Variants in ITFG1 observed in about 807,000 individuals in gnomAD.
ITFG1 encodes T-cell immunomodulatory protein.
ITFG1 carries 34 observed loss-of-function variants against 81.8 expected under a neutral mutation model. The ratio of observed to expected loss-of-function variants is 0.42; its 90% CI spans 0.32 to 0.55. The LOEUF (loss-of-function observed/expected upper bound fraction) is 0.55, where lower values mean the gene tolerates loss of function less well. Ranked by LOEUF, ITFG1 falls within the 20% of genes least tolerant of loss-of-function variation. The pLI, the probability that ITFG1 is intolerant of heterozygous loss-of-function variation, is 0.17. For synonymous variants in ITFG1, 285 were observed against 270.6 expected (o/e 1.05, Z -0.52); for missense variants, 672 against 755.4 (o/e 0.89, Z 1.29).
intron 14 of ITFG1, among the ~76,000 whole-genome samples, chr16:47,197,032 G>A (rs1215217119): frequency 2.6e-5 from 4 of 152,138 alleles, no homozygotes; most frequent in Non-Finnish European, 5.9e-5. Flanking sequence ...CCTGACTCTG[G>A]TATAGCATCA....
intron 14 of ITFG1, among the ~76,000 whole-genome samples, chr16:47,182,380 G>C (rs2151514174): frequency 6.9e-6 from 1 of 145,560 alleles, no homozygotes. Flanking sequence ...TTACTTAGGT[G>C]GCTCTCAAAA....
At chr16:47,334,358 G>A (rs1967675459) in intron 8 of ITFG1, among the ~76,000 whole-genome samples, 1 of 152,132 alleles carries the variant, frequency 6.6e-6, no homozygotes, top group Admixed American at 6.6e-5. Flanking sequence ...ACCTGGGGAG[G>A]TTGAGGCTGC....
At chr16:47,277,394 C>T (rs980790321) in intron 10 of ITFG1, among the ~76,000 whole-genome samples, 5 of 152,070 alleles carry the variant, frequency 3.3e-5, no homozygotes, top group Admixed American at 6.6e-5. Flanking sequence ...CTTTGGGGTC[C>T]GATGCCATAG....
At chr16:47,157,652 T>G (rs1200600562) in intron 17 of ITFG1, 1 of 152,180 alleles carries the variant, frequency 6.6e-6, no homozygotes, top group African/African-American at 2.4e-5. Flanking sequence ...AATCTTAAGG[T>G]TAATTGAATA....
intron 12 of ITFG1, among the ~76,000 whole-genome samples, chr16:47,252,622 C>T (rs576338648): frequency 1.4e-4 from 21 of 152,262 alleles, no homozygotes; most frequent in East Asian, 9.6e-4. Context: ...CGCAAGGTCC[C>T]CGTCTTCATG....
At chr16:47,348,758 T>C (rs1312485639) in intron 8 of ITFG1, among the ~76,000 whole-genome samples, 2 of 152,134 alleles carry the variant, frequency 1.3e-5, no homozygotes, top group African/African-American at 4.8e-5. Flanking sequence ...CACATAATTG[T>C]TAGATTCACC....
chr16:47,227,658 T>A (rs897240451), intron 13 of ITFG1, among the ~76,000 whole-genome samples: 2 of 152,170 alleles, frequency 1.3e-5, no homozygotes, highest in East Asian at 3.8e-4. Context: ...GTCAATTATT[T>A]GATTACCTAG....
intron 8 of ITFG1, among the ~76,000 whole-genome samples, chr16:47,347,815 T>G (rs1967881212): frequency 6.6e-6 from 1 of 152,164 alleles, no homozygotes; most frequent in Admixed American, 6.5e-5. Flanking sequence ...GACTGACACC[T>G]CACATGGCCG....
intron 14 of ITFG1, among the ~76,000 whole-genome samples, chr16:47,199,101 C>T (rs1388445455): frequency 2.6e-5 from 4 of 152,062 alleles, no homozygotes; most frequent in African/African-American, 7.2e-5. Context: ...TGGTGAAACC[C>T]TATCTCTATT....
intron 6 of ITFG1, among the ~76,000 whole-genome samples, chr16:47,392,887 A>G (rs1351728824): frequency 1.3e-5 from 2 of 152,202 alleles, no homozygotes; most frequent in African/African-American, 4.8e-5. Flanking sequence ...TAAGTAATAG[A>G]AAAATCACCC....
intron 13 of ITFG1, among the ~76,000 whole-genome samples, chr16:47,234,375 G>A (rs1484280826): frequency 6.6e-6 from 1 of 152,150 alleles, no homozygotes; most frequent in African/African-American, 2.4e-5. Context: ...GGACTCATTG[G>A]TAGATTGGAC....
At chr16:47,438,950 G>A (rs1039746196) in intron 5 of ITFG1, among the ~76,000 whole-genome samples, 8 of 152,102 alleles carry the variant, frequency 5.3e-5, no homozygotes, top group Admixed American at 1.3e-4. Flanking sequence ...AAAATTAGAC[G>A]AATGGATAAC....
intron 8 of ITFG1, among the ~76,000 whole-genome samples, chr16:47,329,476 C>G (rs982119794): frequency 1.7e-4 from 26 of 152,124 alleles, no homozygotes; most frequent in Non-Finnish European, 3.7e-4. Flanking sequence ...CAAATCTCAG[C>G]TATCACTTGC....
At chr16:47,352,674 G>T (rs1967978666) in intron 8 of ITFG1, among the ~76,000 whole-genome samples, 1 of 152,168 alleles carries the variant, frequency 6.6e-6, no homozygotes, top group East Asian at 1.9e-4. Flanking sequence ...TCTAGAACTA[G>T]AAATACCATT....
chr16:47,395,328 T>C (rs1420016155), intron 6 of ITFG1, among the ~76,000 whole-genome samples: 2 of 152,104 alleles, frequency 1.3e-5, no homozygotes, highest in African/African-American at 4.8e-5. Flanking sequence ...TCTAATTAGA[T>C]AAAAATAAAA....
At chr16:47,392,751 T>C (rs1263654438) in intron 6 of ITFG1, among the ~76,000 whole-genome samples, 3 of 152,220 alleles carry the variant, frequency 2.0e-5, no homozygotes, top group African/African-American at 7.2e-5. Context: ...CAATGCTCTG[T>C]TGTAAGGGGC....
At chr16:47,182,434 G>C (rs1965139118) in intron 14 of ITFG1, among the ~76,000 whole-genome samples, 2 of 150,972 alleles carry the variant, frequency 1.3e-5, no homozygotes, top group Non-Finnish European at 2.9e-5. Context: ...CATGGGATTT[G>C]AATGCCAAAA....
intron 5 of ITFG1, among the ~76,000 whole-genome samples, chr16:47,440,154 C>G (rs1009893215): frequency 2.6e-5 from 4 of 152,104 alleles, no homozygotes; most frequent in Non-Finnish European, 5.9e-5. Flanking sequence ...AATATATATG[C>G]ACCCAATACA....
intron 1 of ITFG1, among the ~76,000 whole-genome samples, chr16:47,459,981 C>G (rs544664940): frequency 8.7e-4 from 132 of 152,326 alleles, no homozygotes; most frequent in African/African-American, 2.9e-3. Context: ...CAGCATTGAT[C>G]TTTAAGCAGC....
Sources: gnomAD v4.1 joint callset for allele counts (sites outside exome capture counted in the v4.1 genomes callset) on GRCh38, gnomAD v4.1.1 for gene constraint, MANE v1.5 for transcripts, NCBI Gene and HGNC (gene_info 2026-07-23, HGNC 2026-07-21) for gene names.